Variants in BMAL1 observed in about 807,000 individuals in gnomAD.
The protein encoded by BMAL1 is basic helix-loop-helix ARNT like 1.
At chr11:13,284,146 G>GTA in the BMAL1 span, among the ~76,000 whole-genome samples, 754 of 61,004 alleles carry the variant, frequency 0.012, 86 homozygotes, top group African/African-American at 0.052. Context: ...ATATATATGT[G>GTA]TATATATATA....
chr11:13,354,207 A>AAAACC, the BMAL1 span: 3 of 205,816 alleles, frequency 1.5e-5, no homozygotes, highest in Non-Finnish European at 2.3e-5. Flanking sequence ...CCGGCCCCCC[A>AAAACC]CCACCAAACC....
chr11:13,386,200 CTGTT>C, the BMAL1 span, among the ~76,000 whole-genome samples: 1 of 152,196 alleles, frequency 6.6e-6, no homozygotes, highest in Non-Finnish European at 1.5e-5. Flanking sequence ...CTTTCTAGAT[CTGTT>C]TTTTTCCTAA....
chr11:13,312,300 G>A, the BMAL1 span, among the ~76,000 whole-genome samples: 1 of 152,286 alleles, frequency 6.6e-6, no homozygotes, highest in Non-Finnish European at 1.5e-5. Flanking sequence ...TTGAACCCGG[G>A]TCTGTATAAT....
the BMAL1 span, among the ~76,000 whole-genome samples, chr11:13,284,204 ATATATGTG>A: frequency 5.3e-4 from 24 of 45,326 alleles, 7 homozygotes; most frequent in African/African-American, 1.4e-3. Flanking sequence ...GTGTGTATAT[ATATATGTG>A]TATATATATA....
At chr11:13,356,839 C>T in the BMAL1 span, 10 of 1,612,864 alleles carry the variant, frequency 6.2e-6, no homozygotes, top group East Asian at 2.2e-4. Context: ...TGCACTGTTA[C>T]ACATTCTGTT....
chr11:13,385,671 C>G, the BMAL1 span: 1 of 1,577,022 alleles, frequency 6.3e-7, no homozygotes, highest in Non-Finnish European at 8.7e-7. Context: ...CTTCACACTT[C>G]CCTCCTTTTG....
chr11:13,284,969 G>C, the BMAL1 span, among the ~76,000 whole-genome samples: 1 of 152,082 alleles, frequency 6.6e-6, no homozygotes, highest in Non-Finnish European at 1.5e-5. Flanking sequence ...CCTCTCCGCT[G>C]TCCTCCCTAG....
chr11:13,326,553 G>A, the BMAL1 span: 1 of 152,206 alleles, frequency 6.6e-6, no homozygotes, highest in African/African-American at 2.4e-5. Context: ...TGAGGAAGCT[G>A]AAGCTTGCCA....
At chr11:13,360,448 T>C in the BMAL1 span, 1 of 1,597,170 alleles carries the variant, frequency 6.3e-7, no homozygotes, top group East Asian at 2.2e-5. Flanking sequence ...TGGGATTGTT[T>C]TACAACGTTT....
chr11:13,345,633 C>T, the BMAL1 span, among the ~76,000 whole-genome samples: 4 of 152,128 alleles, frequency 2.6e-5, no homozygotes, highest in Admixed American at 2.6e-4. Flanking sequence ...GTTAGAAGCA[C>T]CAGCAGTAAA....
the BMAL1 span, among the ~76,000 whole-genome samples, chr11:13,320,515 C>T: frequency 2.6e-5 from 4 of 152,206 alleles, no homozygotes; most frequent in African/African-American, 4.8e-5. Flanking sequence ...ATGACCTCAC[C>T]TCTTTGAGCA....
the BMAL1 span, chr11:13,369,765 A>G: frequency 2.5e-6 from 4 of 1,608,648 alleles, no homozygotes; most frequent in East Asian, 6.7e-5. Flanking sequence ...TCAAAGAAAA[A>G]AGGTAACAAT....
the BMAL1 span, among the ~76,000 whole-genome samples, chr11:13,347,944 T>C: frequency 6.6e-6 from 1 of 152,198 alleles, no homozygotes; most frequent in African/African-American, 2.4e-5. Context: ...GAGTACCACC[T>C]GGAGTGAGGC....
chr11:13,288,076 A>G, the BMAL1 span, among the ~76,000 whole-genome samples: 1 of 152,232 alleles, frequency 6.6e-6, no homozygotes, highest in Non-Finnish European at 1.5e-5. Context: ...GAGGACAGGT[A>G]TTTCCAGGAA....
At chr11:13,351,561 G>T in the BMAL1 span, among the ~76,000 whole-genome samples, 1 of 152,212 alleles carries the variant, frequency 6.6e-6, no homozygotes, top group Non-Finnish European at 1.5e-5. Flanking sequence ...ACTAGCTAGA[G>T]CCCCTGGAGA....
the BMAL1 span, among the ~76,000 whole-genome samples, chr11:13,289,539 C>A: frequency 1.3e-5 from 2 of 152,164 alleles, no homozygotes; most frequent in East Asian, 1.9e-4. Context: ...CCCAGCCCCC[C>A]AGCCCCTGAC....
chr11:13,330,879 G>C, the BMAL1 span, among the ~76,000 whole-genome samples: 5 of 152,214 alleles, frequency 3.3e-5, no homozygotes, highest in Non-Finnish European at 7.3e-5. Flanking sequence ...TATTGCTCAC[G>C]TAGTCATGAA....
the BMAL1 span, among the ~76,000 whole-genome samples, chr11:13,322,033 T>C: frequency 6.6e-6 from 1 of 152,212 alleles, no homozygotes; most frequent in African/African-American, 2.4e-5. Flanking sequence ...CATGTGAGGC[T>C]GGAAGGATCT....
chr11:13,304,187 A>G, the BMAL1 span, among the ~76,000 whole-genome samples: 1 of 152,226 alleles, frequency 6.6e-6, no homozygotes, highest in Non-Finnish European at 1.5e-5. Flanking sequence ...TTGAGAGTGG[A>G]CTGAGGGAGC....
Sources: gnomAD v4.1 joint callset for allele counts (sites outside exome capture counted in the v4.1 genomes callset) on GRCh38, gnomAD v4.1.1 for gene constraint, MANE v1.5 for transcripts, NCBI Gene and HGNC (gene_info 2026-07-23, HGNC 2026-07-21) for gene names.